GALNTL6: variants seen among roughly 807,000 people sequenced by gnomAD.
GALNTL6 encodes polypeptide N-acetylgalactosaminyltransferase-like 6.
A neutral mutation model predicts 73.7 loss-of-function variants in GALNTL6; 46 were observed. The observed-to-expected ratio is 0.62, with a 90% CI of 0.49 to 0.80. The LOEUF is 0.80. Ranked by LOEUF, GALNTL6 falls within the 30% of genes least tolerant of loss-of-function variation. The pLI is 0.00. For missense variants in GALNTL6, 604 were observed against 755.0 expected (o/e 0.80, Z 2.34); for synonymous variants, 259 against 263.7 (o/e 0.98, Z 0.17).
At chr4:172,893,519 CA>C (rs1746161993) in intron 8 of GALNTL6, among the ~76,000 whole-genome samples, 1 of 152,148 alleles carries the variant, frequency 6.6e-6, no homozygotes, top group South Asian at 2.1e-4. Context: ...AGGCAACCAG[CA>C]AAACACTCAG....
intron 2 of GALNTL6, among the ~76,000 whole-genome samples, chr4:171,934,570 T>C (rs180930029): frequency 2.0e-5 from 3 of 152,136 alleles, no homozygotes; most frequent in East Asian, 3.9e-4. Flanking sequence ...TGCACCAGCA[T>C]GCTTGGCTAA....
chr4:171,950,500 A>G (rs1470328576), intron 2 of GALNTL6, among the ~76,000 whole-genome samples: 1 of 101,410 alleles, frequency 9.9e-6, no homozygotes, highest in Non-Finnish European at 2.1e-5. Flanking sequence ...TTTTTTTTTG[A>G]GATGAAGTCT....
Position 172,744,755 on chromosome 4 carries a change from C to T in GALNTL6, c.554-64606C>T, listed in dbSNP as rs114995636. Among the ~76,000 whole-genome samples, 676 of 152,058 alleles carry T rather than the reference C, an allele frequency of 4.4e-3. 5 individuals are homozygous for T. The highest frequency in any genetic ancestry group is 0.016 in the African/African-American group (647 of 41,492). On this transcript the variant is annotated intron_variant, in intron 5 of 12. Coordinates refer to ENST00000506823, the MANE Select transcript of GALNTL6 (RefSeq NM_001034845.3). ...GTTGGCCTCTGCCATTCTAGGATCC[C>T]ATCATCACTGTTGATACCAAGAAGT...
intron 5 of GALNTL6, among the ~76,000 whole-genome samples, chr4:172,408,102 A>T (rs1226041121): frequency 6.6e-6 from 1 of 152,064 alleles, no homozygotes; most frequent in African/African-American, 2.4e-5. Flanking sequence ...TTCGGGTGAA[A>T]TACTTCCTTC....
chr4:172,019,529 A>G (rs1289577706), intron 2 of GALNTL6, among the ~76,000 whole-genome samples: 1 of 152,158 alleles, frequency 6.6e-6, no homozygotes, highest in Non-Finnish European at 1.5e-5. Context: ...TACTTATATG[A>G]GACAAAATAT....
intron 5 of GALNTL6, among the ~76,000 whole-genome samples, chr4:172,500,377 C>T (rs1175483872): frequency 6.6e-6 from 1 of 152,240 alleles, no homozygotes; most frequent in East Asian, 1.9e-4. Flanking sequence ...GCCATAATAG[C>T]ATCACTACAC....
chr4:172,223,702 ATACT>A (rs1175804323), intron 2 of GALNTL6, among the ~76,000 whole-genome samples: 1 of 152,140 alleles, frequency 6.6e-6, no homozygotes, highest in Admixed American at 6.6e-5. Flanking sequence ...AAAGACAGAC[ATACT>A]TGGATCAAAT....
chr4:172,883,181 A>G (rs1745550603), intron 8 of GALNTL6, among the ~76,000 whole-genome samples: 1 of 152,230 alleles, frequency 6.6e-6, no homozygotes, highest in Admixed American at 6.5e-5. Context: ...TGGGATATCC[A>G]TCACCTCAAA....
chr4:171,993,125 G>A (rs1740388378), intron 2 of GALNTL6, among the ~76,000 whole-genome samples: 1 of 151,876 alleles, frequency 6.6e-6, no homozygotes, highest in African/African-American at 2.4e-5. Context: ...ACTTCAGGAG[G>A]CACAATTATT....
chr4:171,847,587 T>C lies in GALNTL6; in HGVS notation c.138+32869T>C, dbSNP rs186945987. On this transcript the variant is annotated intron_variant, in intron 2 of 12. Transcript: ENST00000506823. Reference sequence around the variant, plus strand: ...CAGTAAAACTTCTTTCAAAGAGGGGTTAATTTTCTCAAACCCCGACACTGC... The same window carrying C: ...CAGTAAAACTTCTTTCAAAGAGGGGCTAATTTTCTCAAACCCCGACACTGC... Among the ~76,000 whole-genome samples, 44 of 150,414 alleles carry C rather than the reference T, an allele frequency of 2.9e-4. 1 individual carries two copies. In the East Asian group the frequency reaches 8.5e-3, roughly 29 times the overall value.
At chr4:172,042,809 A>G (rs1352145332) in intron 2 of GALNTL6, among the ~76,000 whole-genome samples, 1 of 131,298 alleles carries the variant, frequency 7.6e-6, no homozygotes, top group African/African-American at 2.8e-5. Flanking sequence ...GATTACATCA[A>G]CTTTTGGCAC....
chr4:172,018,931 T>G (rs555764492), intron 2 of GALNTL6, among the ~76,000 whole-genome samples: 1 of 152,078 alleles, frequency 6.6e-6, no homozygotes, highest in African/African-American at 2.4e-5. Context: ...TGCTGCTACT[T>G]CTACATTTAT....
chr4:172,566,865 A>G (rs1397651820), intron 5 of GALNTL6, among the ~76,000 whole-genome samples: 2 of 152,154 alleles, frequency 1.3e-5, no homozygotes, highest in Non-Finnish European at 2.9e-5. Flanking sequence ...AAAAGGAATC[A>G]TAAGAGACCA....
intron 5 of GALNTL6, among the ~76,000 whole-genome samples, chr4:172,663,411 C>T (rs919216673): frequency 7.2e-5 from 11 of 152,082 alleles, no homozygotes; most frequent in Admixed American, 2.0e-4. Flanking sequence ...TGACTAATGT[C>T]ACCCTTCTGT....
At chr4:172,825,078 TTTTC>T (rs70944424) in intron 7 of GALNTL6, among the ~76,000 whole-genome samples, 26,381 of 105,190 alleles carry the variant, frequency 0.25, 3,382 homozygotes, top group Non-Finnish European at 0.29. Flanking sequence ...TTTGGTTATC[TTTTC>T]TTTCTTTCTT....
chr4:172,972,492 C>T (rs763591199), intron 10 of GALNTL6, among the ~76,000 whole-genome samples: 29 of 152,294 alleles, frequency 1.9e-4, no homozygotes, highest in African/African-American at 6.0e-4. Flanking sequence ...CAGCTACTTT[C>T]GGAAAATAGC....
intron 5 of GALNTL6, among the ~76,000 whole-genome samples, chr4:172,488,547 C>T (rs1191649455): frequency 1.3e-5 from 2 of 152,158 alleles, no homozygotes; most frequent in Admixed American, 1.3e-4. Flanking sequence ...AGACAGCTTA[C>T]CTGGCAGCTC....
chr4:172,416,888 G>T (rs1428560416), intron 5 of GALNTL6, among the ~76,000 whole-genome samples: 2 of 152,006 alleles, frequency 1.3e-5, no homozygotes, highest in Non-Finnish European at 2.9e-5. Flanking sequence ...TTAAAAACTT[G>T]TATAAAAACG....
chr4:172,507,087 T>C (rs546287141), intron 5 of GALNTL6, among the ~76,000 whole-genome samples: 1 of 54,960 alleles, frequency 1.8e-5, no homozygotes, highest in African/African-American at 4.6e-5. Flanking sequence ...GCTAACAAAC[T>C]AAGGGGGAAA....
Sources: gnomAD v4.1 joint callset for allele counts (sites outside exome capture counted in the v4.1 genomes callset) on GRCh38, gnomAD v4.1.1 for gene constraint, MANE v1.5 for transcripts, NCBI Gene and HGNC (gene_info 2026-07-23, HGNC 2026-07-21) for gene names.